ZNF879: variants seen among roughly 807,000 people sequenced by gnomAD.
ZNF879 encodes zinc finger protein 879.
A neutral mutation model predicts 44.3 loss-of-function variants in ZNF879; 32 were observed. That is an observed-to-expected ratio of 0.72 (90% CI 0.54 to 0.97). ZNF879 has a LOEUF of 0.97. Among genes scored for constraint, ZNF879 ranks in the 50% least tolerant of loss-of-function variants. The pLI is 0.00. For synonymous variants in ZNF879, 234 were observed against 233.2 expected (o/e 1.00, Z -0.03); for missense variants, 621 against 669.7 (o/e 0.93, Z 0.80).
chr5:179,026,690 TG>T (rs2113049320), intron 2 of ZNF879, among the ~76,000 whole-genome samples: 1 of 152,348 alleles, frequency 6.6e-6, no homozygotes, highest in East Asian at 1.9e-4. Flanking sequence ...GGTCTCTCTA[TG>T]TTGCCCAGGC....
intron 2 of ZNF879, 92 bp downstream of exon 2, chr5:179,025,129 G>C: frequency 7.0e-7 from 1 of 1,434,062 alleles, no homozygotes; most frequent in Middle Eastern, 1.8e-4. Context: ...ACCCAGTGAA[G>C]CTCAGGGAAG....
chr5:179,027,364 T>C, intron 2 of ZNF879, 109 bp from the exon 3 acceptor site: 1 of 1,480,764 alleles, frequency 6.8e-7, no homozygotes, highest in African/African-American at 1.4e-5. Flanking sequence ...TGAAAAGTTG[T>C]CCAGAAACAC....
At chr5:179,030,261 G>T (rs764167316) in intron 4 of ZNF879, among the ~76,000 whole-genome samples, 3 of 152,192 alleles carry the variant, frequency 2.0e-5, no homozygotes, top group Non-Finnish European at 4.4e-5. Flanking sequence ...GCAACTGGTA[G>T]TCTTTCTGAG....
chr5:179,031,911 T>C (rs375183329), intron 4 of ZNF879, among the ~76,000 whole-genome samples: 1 of 152,186 alleles, frequency 6.6e-6, no homozygotes. Flanking sequence ...GAGATGACGC[T>C]GAGGGACACA....
intron 1 of ZNF879, chr5:179,024,325 C>T (rs1194612431): frequency 2.0e-5 from 3 of 152,262 alleles, no homozygotes; most frequent in Admixed American, 6.5e-5. Flanking sequence ...TTTCCTACAG[C>T]CAGTCCTAGA....
chr5:179,026,067 G>A (rs1264650263), intron 2 of ZNF879, among the ~76,000 whole-genome samples: 2 of 139,652 alleles, frequency 1.4e-5, no homozygotes, highest in African/African-American at 5.4e-5. Context: ...CCTGGTGACA[G>A]AGCAAGACTC....
At chr5:179,025,594 G>A (rs972773710) in intron 2 of ZNF879, among the ~76,000 whole-genome samples, 9 of 152,302 alleles carry the variant, frequency 5.9e-5, no homozygotes, top group Admixed American at 4.6e-4. Context: ...CCCTGTGGAG[G>A]ACAAAGACAC....
Position 179,033,768 on chromosome 5 carries a change from A to C in ZNF879, c.*128A>C. The C allele has an allele frequency of 1.6e-6, 1 of 641,212 alleles. No homozygotes were observed. Among genetic ancestry groups the C allele is most frequent in the Non-Finnish European group, 2.6e-6 (1 of 391,268 alleles). The allele number at this position is 641,212 out of a possible 1,614,324, so 39.7% of individuals were successfully genotyped here. A position where few individuals can be genotyped will look rare whatever the true frequency, so the allele number is the denominator to read the frequency against. ...TAAAACTTCAGCATTAGACCTCATC[A>C]CACATCAGAGACTTCATGATGCAGG... On this transcript the variant is annotated 3_prime_UTR_variant, in exon 5 of 5. Transcript: ENST00000444149.
chr5:179,032,305 G>T lies in ZNF879; in HGVS notation c.357G>T (p.Lys119Asn), dbSNP rs906838380. The T allele has an allele frequency of 3.2e-6, 5 of 1,550,464 alleles. No individual in the cohort carries two copies. In the African/African-American group the frequency reaches 6.8e-5, roughly 21 times the overall value. The change falls in exon 5 of 5, where the codon AAG (lysine) becomes AAT (asparagine). Residue 119 changes from lysine to asparagine, a missense_variant. Coordinates refer to ENST00000444149, the MANE Select transcript of ZNF879 (RefSeq NM_001136116.3). ...GCACATTTGACTTCAAGTTGGAGAA[G>T]ACCTACATAAATGAAGATAAGTTAG... ...IDGTFDFKLE[K>N]TYINEDKLEK...
At chr5:179,028,293 G>A (rs1056640479) in intron 4 of ZNF879, among the ~76,000 whole-genome samples, 166 bp downstream of exon 4, 5 of 152,196 alleles carry the variant, frequency 3.3e-5, no homozygotes, top group Non-Finnish European at 7.3e-5. Flanking sequence ...TCAGAGGAGG[G>A]TTGAATTCTC....
intron 4 of ZNF879, among the ~76,000 whole-genome samples, chr5:179,028,329 A>G (rs1339491649): frequency 1.3e-5 from 2 of 152,304 alleles, no homozygotes; most frequent in East Asian, 3.9e-4. Flanking sequence ...CTGTTTTCAG[A>G]TATCTTGTAA....
chr5:179,027,789 C>T (rs539484376), intron 3 of ZNF879, among the ~76,000 whole-genome samples, 190 bp downstream of exon 3: 1 of 152,250 alleles, frequency 6.6e-6, no homozygotes, highest in South Asian at 2.1e-4. Flanking sequence ...TCTGCTTTTC[C>T]TGTCTTCTGC....
At chr5:179,025,099 A>G in intron 2 of ZNF879, 62 bp downstream of exon 2, 1 of 1,534,446 alleles carries the variant, frequency 6.5e-7, no homozygotes, top group Non-Finnish European at 8.8e-7. Flanking sequence ...AAACTTCTTC[A>G]TCTGTTGTTG....
Position 179,024,966 on chromosome 5 carries a change from C to T in ZNF879, c.-35-4C>T. ...AGACCTCACAGCTTTTTTCTCCATT[C>T]CAGGTGCCTTCTCCAAGAGAGGCAG... On this transcript the variant is annotated splice_polypyrimidine_tract_variant and splice_region_variant and intron_variant, in intron 1 of 4. Coordinates refer to ENST00000444149, the MANE Select transcript of ZNF879 (RefSeq NM_001136116.3). The T allele has an allele frequency of 6.4e-7, 1 of 1,551,072 alleles. No homozygotes were observed. The highest frequency in any genetic ancestry group is 8.7e-7 in the Non-Finnish European group (1 of 1,146,582).
At position 179,033,077 on chromosome 5, in the gene ZNF879, T is replaced by C; in HGVS notation, c.1129T>C (p.Cys377Arg). Residue 377 changes from cysteine to arginine, a missense_variant, in exon 5 of 5, where the codon TGT (cysteine) becomes CGT (arginine). Coordinates refer to ENST00000444149, the MANE Select transcript of ZNF879 (RefSeq NM_001136116.3). ...AGAGAAACCCTTTCATTGTAACGAGTGTGGAAAAGTATTCAGCTATCACTC... is the reference window on the plus strand; with the variant it reads ...AGAGAAACCCTTTCATTGTAACGAGCGTGGAAAAGTATTCAGCTATCACTC... ...TGEKPFHCNECGKVFSYHSAL... is the reference protein window; with the variant it reads ...TGEKPFHCNERGKVFSYHSAL... 1 of 1,565,868 alleles carries C rather than the reference T, an allele frequency of 6.4e-7. No homozygotes were observed. Among genetic ancestry groups the C allele is most frequent in the South Asian group, 1.2e-5 (1 of 85,636 alleles).
Position 179,025,052 on chromosome 5 carries a change from C to A in ZNF879, c.33+15C>A. Reference sequence around the variant, plus strand: ...CCCATGTACAGGTGAGTGAAGGCTTCTTTTTGCTTGAACTGCCTTCAGGGT... The same window carrying A: ...CCCATGTACAGGTGAGTGAAGGCTTATTTTTGCTTGAACTGCCTTCAGGGT... On this transcript the variant is annotated intron_variant, in intron 2 of 4. Coordinates refer to ENST00000444149, the MANE Select transcript of ZNF879 (RefSeq NM_001136116.3). 1.3e-6 allele frequency: 2 copies of A among 1,551,434 alleles called. No individual in the cohort carries two copies. Among genetic ancestry groups the A allele is most frequent in the Non-Finnish European group, 1.7e-6 (2 of 1,146,836 alleles).
At chr5:179,024,179 T>C (rs1159050755) in intron 1 of ZNF879, among the ~76,000 whole-genome samples, 1 of 152,182 alleles carries the variant, frequency 6.6e-6, no homozygotes, top group Non-Finnish European at 1.5e-5. Context: ...AAATGCCGCC[T>C]CGGTTCAGGG....
chr5:179,032,140 G>T, intron 4 of ZNF879, 65 bp from the exon 5 acceptor site: 3 of 1,181,834 alleles, frequency 2.5e-6, no homozygotes, highest in Non-Finnish European at 3.5e-6. Context: ...CTATCCTTGT[G>T]CGTTTTTATG....
chr5:179,033,148 T>G lies in ZNF879; in HGVS notation c.1200T>G (p.Tyr400Ter), dbSNP rs767404275. 2 of 1,589,458 alleles carry G rather than the reference T, an allele frequency of 1.3e-6. No homozygotes were observed. The highest frequency in any genetic ancestry group is 1.7e-6 in the Non-Finnish European group (2 of 1,167,656). Reference protein sequence around the residue: ...HQRIHTGEKPYACKECGKAFS... With the variant: ...HQRIHTGEKP The stretch of plus-strand genomic sequence containing the variant: ...GAATTCACACTGGTGAGAAACCATA[T>G]GCATGCAAAGAATGTGGGAAAGCCT... The change falls in exon 5 of 5, where the codon TAT (tyrosine) becomes TAG (stop). Residue 400 changes from tyrosine (Y) to a stop codon, truncating the protein, a stop_gained. Transcript: ENST00000444149. LOFTEE classifies it high-confidence loss of function.
Sources: gnomAD v4.1 joint callset for allele counts (sites outside exome capture counted in the v4.1 genomes callset) on GRCh38, gnomAD v4.1.1 for gene constraint, MANE v1.5 for transcripts, NCBI Gene and HGNC (gene_info 2026-07-23, HGNC 2026-07-21) for gene names.